Variants in HDAC9 observed in about 807,000 individuals in gnomAD.
HDAC9 encodes the protein MEF-2 interacting transcription repressor (MITR) protein.
Under a neutral mutation model 139.4 loss-of-function variants are expected in HDAC9, and 41 were observed. The observed-to-expected ratio is 0.29, with a 90% CI of 0.23 to 0.38. The LOEUF is 0.38. Ranked by LOEUF, HDAC9 falls within the 10% of genes least tolerant of loss-of-function variation. The pLI is 1.00. For synonymous variants in HDAC9, 517 were observed against 476.2 expected (o/e 1.09, Z -1.12); for missense variants, 1,147 against 1,297.0 (o/e 0.88, Z 1.78).
At chr7:18,926,740 A>G (rs1042520102) in intron 22 of HDAC9, among the ~76,000 whole-genome samples, 2 of 152,204 alleles carry the variant, frequency 1.3e-5, no homozygotes, top group African/African-American at 4.8e-5. Context: ...TTGTCTTACA[A>G]AAAATAATGG....
At chr7:18,565,767 G>T (rs1822119958) in intron 2 of HDAC9, among the ~76,000 whole-genome samples, 1 of 151,878 alleles carries the variant, frequency 6.6e-6, no homozygotes, top group African/African-American at 2.4e-5. Context: ...ATAAGCCTTT[G>T]CAAGTAATGA....
intron 2 of HDAC9, among the ~76,000 whole-genome samples, chr7:18,554,221 C>T (rs778844504): frequency 1.3e-5 from 2 of 149,092 alleles, no homozygotes; most frequent in Admixed American, 6.7e-5. Flanking sequence ...TCTATATTGT[C>T]GAAACTATGT....
At chr7:18,580,428 T>G (rs1374934385) in intron 2 of HDAC9, among the ~76,000 whole-genome samples, 3 of 152,160 alleles carry the variant, frequency 2.0e-5, no homozygotes, top group Non-Finnish European at 4.4e-5. Context: ...AAGTTCTGAC[T>G]GGGCATTTGG....
chr7:18,354,135 A>G (rs1783073679), intron 1 of HDAC9, among the ~76,000 whole-genome samples: 1 of 152,188 alleles, frequency 6.6e-6, no homozygotes, highest in Non-Finnish European at 1.5e-5. Context: ...TGGATGAATG[A>G]TTCAAATAGA....
intron 25 of HDAC9, among the ~76,000 whole-genome samples, chr7:18,991,302 T>A (rs1785918968): frequency 6.6e-6 from 1 of 152,130 alleles, no homozygotes; most frequent in Non-Finnish European, 1.5e-5. Context: ...AACTAATATA[T>A]GAATTAGTTA....
chr7:18,916,568 A>G (rs951742770), intron 22 of HDAC9, among the ~76,000 whole-genome samples: 1 of 151,980 alleles, frequency 6.6e-6, no homozygotes, highest in African/African-American at 2.4e-5. Context: ...ACAGGCACAT[A>G]AAGTGGTGTA....
intron 2 of HDAC9, among the ~76,000 whole-genome samples, chr7:18,502,819 G>T (rs1798739119): frequency 6.6e-6 from 1 of 152,140 alleles, no homozygotes; most frequent in Non-Finnish European, 1.5e-5. Context: ...AGTCAACATT[G>T]TGGCCTCATG....
intron 2 of HDAC9, among the ~76,000 whole-genome samples, chr7:18,516,494 A>G (rs1202716234): frequency 2.0e-5 from 3 of 152,130 alleles, no homozygotes; most frequent in Admixed American, 2.0e-4. Context: ...GGACAACTCA[A>G]CCTTCCTCTC....
intron 2 of HDAC9, among the ~76,000 whole-genome samples, chr7:18,498,223 CAT>C (rs1797445383): frequency 6.6e-6 from 1 of 152,058 alleles, no homozygotes; most frequent in African/African-American, 2.4e-5. Context: ...CCATATATTT[CAT>C]ATATGTTCTT....
intron 1 of HDAC9, among the ~76,000 whole-genome samples, chr7:18,486,410 A>G (rs866793319): frequency 6.6e-6 from 1 of 152,150 alleles, no homozygotes; most frequent in African/African-American, 2.4e-5. Flanking sequence ...GGCTTAGACC[A>G]TGTAGGATCT....
intron 1 of HDAC9, among the ~76,000 whole-genome samples, chr7:18,460,335 A>G (rs1333092903): frequency 2.0e-5 from 3 of 152,132 alleles, no homozygotes; most frequent in Admixed American, 2.0e-4. Flanking sequence ...ATCTTTTGAC[A>G]GGGGCTAAGC....
In HDAC9 at chr7:18,557,631, T is replaced by G. The variant is rs527892250; in HGVS notation, c.23-27650T>G. 2.0e-5 allele frequency among the ~76,000 whole-genome samples: 3 copies of G among 149,912 alleles called. No individual in the cohort carries two copies. The South Asian group carries it at 6.2e-4, about 31-fold the overall frequency. ...TTTGACCTTTTTTTCTCTTGTATGG[T>G]TAAAATGTCTTGCCATGAACATTGC... On this transcript the variant is annotated intron_variant, in intron 2 of 25. Transcript: ENST00000686413.
Position 18,148,794 on chromosome 7 carries a change from G to A in HDAC9, c.-96-13435G>A, listed in dbSNP as rs75922486. Among the ~76,000 whole-genome samples the A allele has an allele frequency of 4.4e-3, 673 of 152,184 alleles. 1 individual carries two copies. Among genetic ancestry groups the A allele is most frequent in the African/African-American group, 0.016 (645 of 41,542 alleles). On this transcript the variant is annotated intron_variant, in intron 1 of 12. Transcript: ENST00000417496. ...CACTTTTTAGAATCCTTGTGAATGC[G>A]TTGGGCCATTCTGAATAATCCAGGA...
intron 1 of HDAC9, among the ~76,000 whole-genome samples, chr7:18,432,085 A>G (rs1348982366): frequency 6.6e-6 from 1 of 152,192 alleles, no homozygotes; most frequent in East Asian, 1.9e-4. Context: ...TATTTGTCTG[A>G]CAAATTCAAT....
chr7:18,690,656 A>G (rs1782607413), intron 12 of HDAC9, among the ~76,000 whole-genome samples: 1 of 151,992 alleles, frequency 6.6e-6, no homozygotes, highest in Non-Finnish European at 1.5e-5. Flanking sequence ...AAATGTGGCT[A>G]TAGTACACAT....
At chr7:18,574,268 G>A (rs1353970825) in intron 2 of HDAC9, among the ~76,000 whole-genome samples, 9 of 152,214 alleles carry the variant, frequency 5.9e-5, no homozygotes, top group African/African-American at 1.4e-4. Flanking sequence ...CCTTCCCCCA[G>A]TCAGTAGTCC....
At chr7:18,554,386 C>T (rs1462017017) in intron 2 of HDAC9, among the ~76,000 whole-genome samples, 1 of 125,788 alleles carries the variant, frequency 7.9e-6, no homozygotes, top group Admixed American at 1.0e-4. Context: ...CCCAGGCTGG[C>T]GTGCAGTGGC....
intron 23 of HDAC9, among the ~76,000 whole-genome samples, chr7:18,949,985 C>A (rs1329918598): frequency 6.6e-6 from 1 of 151,744 alleles, no homozygotes; most frequent in Non-Finnish European, 1.5e-5. Flanking sequence ...GAAAATATGA[C>A]CCTATTCATA....
intron 2 of HDAC9, among the ~76,000 whole-genome samples, chr7:18,255,402 T>C (rs1414852219): frequency 6.6e-6 from 1 of 152,142 alleles, no homozygotes; most frequent in East Asian, 1.9e-4. Flanking sequence ...GGGAAAAATT[T>C]AGTCATGTGA....
Sources: allele counts gnomAD v4.1 joint callset (sites outside exome capture counted in the v4.1 genomes callset), GRCh38; gene constraint gnomAD v4.1.1; transcripts MANE v1.5; gene names NCBI Gene and HGNC (gene_info 2026-07-23, HGNC 2026-07-21).